The following ROBO2 variants were observed in gnomAD, a reference collection of about 807,000 sequenced individuals.
ROBO2 encodes roundabout guidance receptor 2.
In ROBO2, 53 loss-of-function variants were observed where a neutral mutation model predicts 160.8. The ratio of observed to expected loss-of-function variants is 0.33; its 90% confidence interval spans 0.26 to 0.41. The LOEUF (loss-of-function observed/expected upper bound fraction) is 0.41. Ranked by LOEUF, ROBO2 falls within the 10% of genes least tolerant of loss-of-function variation. The pLI is 1.00. For synonymous variants in ROBO2, 664 were observed against 611.7 expected (o/e 1.09, Z -1.26); for missense variants, 1,577 against 1,722.4 (o/e 0.92, Z 1.49).
intron 2 of ROBO2, among the ~76,000 whole-genome samples, chr3:76,407,093 A>C (rs1482846391): frequency 6.7e-6 from 1 of 150,296 alleles, no homozygotes; most frequent in Admixed American, 6.7e-5. Context: ...CACCAGTTAC[A>C]TTGTTTGCAG....
At chr3:76,256,363 C>CACAT (rs1261110104) in intron 2 of ROBO2, among the ~76,000 whole-genome samples, 3 of 149,178 alleles carry the variant, frequency 2.0e-5, no homozygotes, top group Non-Finnish European at 3.0e-5. Flanking sequence ...CACATACACA[C>CACAT]ACACACACAC....
At chr3:75,910,760 C>G (rs1489577443) in intron 1 of ROBO2, among the ~76,000 whole-genome samples, 2 of 152,002 alleles carry the variant, frequency 1.3e-5, no homozygotes, top group Non-Finnish European at 2.9e-5. Flanking sequence ...TGTGAAGAGA[C>G]TATAGTGTTG....
intron 2 of ROBO2, among the ~76,000 whole-genome samples, chr3:77,136,227 G>A (rs76001234): frequency 0.066 from 9,989 of 152,168 alleles, 360 homozygotes; most frequent in Admixed American, 0.093. Flanking sequence ...TAATTAAGGA[G>A]ACATTGAAAG....
At chr3:76,151,263 T>C (rs920511670) in intron 2 of ROBO2, among the ~76,000 whole-genome samples, 3 of 152,160 alleles carry the variant, frequency 2.0e-5, no homozygotes, top group African/African-American at 7.2e-5. Context: ...AATGCTCATA[T>C]GGAAATCTTT....
intron 2 of ROBO2, among the ~76,000 whole-genome samples, chr3:77,181,289 T>C (rs1171191215): frequency 1.3e-5 from 2 of 152,084 alleles, no homozygotes; most frequent in African/African-American, 2.4e-5. Context: ...ATCTGACTTG[T>C]TGTGGAGATA....
At chr3:77,622,233 T>G in exon 23 of ROBO2, 1 of 1,614,042 alleles carries the variant, frequency 6.2e-7, no homozygotes, top group East Asian at 2.2e-5. Context: ...CTAGGCACAT[T>G]CAAAGCAATA....
chr3:77,574,398 G>A, intron 13 of ROBO2, 101 bp from the exon 15 acceptor site: 2 of 963,374 alleles, frequency 2.1e-6, no homozygotes, highest in South Asian at 2.7e-5. Flanking sequence ...TCAGTTGATA[G>A]TTATGAGGAC....
At position 77,240,693 on chromosome 3, in the gene ROBO2, C is replaced by A. The variant is rs146041241; in HGVS notation, c.388+142353C>A. On this transcript the variant is annotated intron_variant, in intron 2 of 25. Transcript: ENST00000461745. ...TTAGCTGAATCCAGTGATGTGGAAC[C>A]CATGGATATGGAGAGCCAACTGTAT... is the stretch of plus-strand genomic sequence containing the variant. Among the ~76,000 whole-genome samples the A allele has an allele frequency of 7.4e-3, 1,124 of 152,326 alleles. 12 individuals carry two copies. Among genetic ancestry groups the A allele is most frequent in the Non-Finnish European group, 9.7e-3 (658 of 68,018 alleles).
chr3:77,414,331 G>A (rs1331382187), intron 2 of ROBO2, among the ~76,000 whole-genome samples: 3 of 152,342 alleles, frequency 2.0e-5, no homozygotes, highest in African/African-American at 7.2e-5. Flanking sequence ...TCTATTGCAG[G>A]AGGTTCAACA....
intron 2 of ROBO2, among the ~76,000 whole-genome samples, chr3:77,242,832 G>A (rs796116145): frequency 6.6e-6 from 1 of 150,790 alleles, no homozygotes; most frequent in Non-Finnish European, 1.5e-5. Context: ...GTTGTACATT[G>A]TCTTTATATT....
At chr3:77,195,297 T>C (rs2082215606) in intron 2 of ROBO2, among the ~76,000 whole-genome samples, 2 of 152,196 alleles carry the variant, frequency 1.3e-5, no homozygotes, top group Non-Finnish European at 2.9e-5. Flanking sequence ...TCCAATACTT[T>C]GGTGAAATGG....
chr3:77,350,365 A>G (rs887067385), intron 2 of ROBO2, among the ~76,000 whole-genome samples: 1 of 152,198 alleles, frequency 6.6e-6, no homozygotes, highest in East Asian at 1.9e-4. Flanking sequence ...TGAAGTAAAT[A>G]TACACTGAAT....
At chr3:76,537,360 C>T (rs985766183) in intron 2 of ROBO2, among the ~76,000 whole-genome samples, 25 of 151,990 alleles carry the variant, frequency 1.6e-4, no homozygotes, top group African/African-American at 6.0e-4. Flanking sequence ...CAACCATTGT[C>T]AAGTTTGTAT....
intron 6 of ROBO2, among the ~76,000 whole-genome samples, chr3:77,528,556 C>T (rs1161601542): frequency 6.6e-6 from 1 of 151,650 alleles, no homozygotes. Context: ...CTGAGCAATA[C>T]TCCCTTTTGA....
chr3:76,594,289 T>C (rs2108859441), intron 2 of ROBO2, among the ~76,000 whole-genome samples: 1 of 152,174 alleles, frequency 6.6e-6, no homozygotes, highest in South Asian at 2.1e-4. Context: ...CTCAGTCTCA[T>C]AAAAATATGA....
chr3:76,293,695 T>C (rs536042020), intron 2 of ROBO2, among the ~76,000 whole-genome samples: 13 of 152,294 alleles, frequency 8.5e-5, no homozygotes, highest in African/African-American at 3.1e-4. Context: ...GGGCCAGCAA[T>C]AGAATCAACC....
intron 1 of ROBO2, among the ~76,000 whole-genome samples, chr3:77,096,375 A>G (rs114662650): frequency 0.011 from 1,726 of 152,296 alleles, 26 homozygotes; most frequent in African/African-American, 0.04. Flanking sequence ...AAAATATTCA[A>G]AATAACACAT....
chr3:77,058,725 A>T (rs2065997067), intron 1 of ROBO2, among the ~76,000 whole-genome samples: 1 of 150,762 alleles, frequency 6.6e-6, no homozygotes, highest in East Asian at 2.0e-4. Context: ...TTTTGTAGAG[A>T]TGGGGTTTCA....
At chr3:77,579,990 C>A (rs1398302996) in exon 16 of ROBO2, 1 of 1,613,764 alleles carries the variant, frequency 6.2e-7, no homozygotes, top group South Asian at 1.1e-5. Context: ...ATCAACAAAA[C>A]TGTGGATGCA....
Sources: allele counts gnomAD v4.1 joint callset (sites outside exome capture counted in the v4.1 genomes callset), GRCh38; gene constraint gnomAD v4.1.1; transcripts MANE v1.5; gene names NCBI Gene and HGNC (gene_info 2026-07-23, HGNC 2026-07-21).